The following CECR2 variants were observed in gnomAD, a reference collection of about 807,000 sequenced individuals.
CECR2 encodes the protein chromatin remodeling regulator CECR2.
A neutral mutation model predicts 154.5 loss-of-function variants in CECR2; 30 were observed. The observed-to-expected ratio is 0.19, with a 90% CI of 0.15 to 0.26. The LOEUF (loss-of-function observed/expected upper bound fraction) is 0.26, where lower values mean the gene tolerates loss of function less well. CECR2 is among the 10% of genes least tolerant of loss of function. The pLI is 1.00. For synonymous variants in CECR2, 725 were observed against 683.7 expected (o/e 1.06, Z -0.94); for missense variants, 1,743 against 1,829.3 (o/e 0.95, Z 0.86).
intron 5 of CECR2, among the ~76,000 whole-genome samples, chr22:17,501,147 C>T (rs2055730587): frequency 6.6e-6 from 1 of 152,150 alleles, no homozygotes; most frequent in Admixed American, 6.5e-5. Flanking sequence ...TGTGTAAATA[C>T]ACTTTTTACT....
intron 1 of CECR2, among the ~76,000 whole-genome samples, chr22:17,411,397 C>G (rs2054066346): frequency 6.6e-6 from 1 of 152,220 alleles, no homozygotes; most frequent in Admixed American, 6.5e-5. Context: ...ACGAGTCCAT[C>G]AGTTCCTGCT....
chr22:17,426,418 G>A (rs570847920), intron 1 of CECR2, among the ~76,000 whole-genome samples: 26 of 151,946 alleles, frequency 1.7e-4, no homozygotes, highest in Admixed American at 5.9e-4. Flanking sequence ...GTGCAGTGGC[G>A]CGATTTCAGC....
rs535935243 is a variant in CECR2 at position 17,526,258 on chromosome 22, A to C, written c.1108+1987A>C. Reference sequence around the variant, plus strand: ...ATTACCTGACTTCAAATTGTATTTCAGACCTGTGGGGACCAAAACAATATG... The same window carrying C: ...ATTACCTGACTTCAAATTGTATTTCCGACCTGTGGGGACCAAAACAATATG... On this transcript the variant is annotated intron_variant, in intron 9 of 18. Transcript: ENST00000262608. Among the ~76,000 whole-genome samples, 10 of 152,344 alleles carry C rather than the reference A, an allele frequency of 6.6e-5. No individual in the cohort carries two copies. In the East Asian group the frequency reaches 1.9e-3, roughly 29 times the overall value.
In CECR2 at chr22:17,552,126, C is replaced by T. The variant is rs1199876485; in HGVS notation, c.4373C>T (p.Thr1458Ile). The change falls in exon 18 of 19, where the codon ACA becomes ATA. Residue 1458 changes from threonine to isoleucine, a missense_variant. Physicochemically the swap from Thr to Ile is moderately conservative, Grantham distance 89. Coordinates refer to ENST00000262608, the MANE Select transcript of CECR2 (RefSeq NM_001290047.2). ...QEEVPPHKPP[T>I]LPLDQS The stretch of plus-strand genomic sequence containing the variant: ...GAGGTGCCGCCTCATAAGCCTCCAA[C>T]ACTTCCCCTGGATCAGGTAAGGATC... 1 of 1,613,826 alleles carries T rather than the reference C, an allele frequency of 6.2e-7. No homozygotes were observed. Among genetic ancestry groups the T allele is most frequent in the Non-Finnish European group, 8.5e-7 (1 of 1,179,850 alleles).
At chr22:17,495,735 G>A (rs956968362) in intron 2 of CECR2, among the ~76,000 whole-genome samples, 7 of 151,082 alleles carry the variant, frequency 4.6e-5, no homozygotes, top group South Asian at 2.1e-4. Context: ...GGTGGCAGGC[G>A]CCTGTAGTCC....
chr22:17,475,126 C>T (rs1327611642), intron 1 of CECR2, among the ~76,000 whole-genome samples: 3 of 152,072 alleles, frequency 2.0e-5, no homozygotes, highest in South Asian at 2.1e-4. Context: ...GTGGGAGCAG[C>T]GTGGGGGAGC....
intron 13 of CECR2, 96 bp from the exon 14 acceptor site, chr22:17,540,316 C>T: frequency 2.6e-6 from 3 of 1,132,506 alleles, no homozygotes; most frequent in South Asian, 4.9e-5. Context: ...TCTTTTGTGA[C>T]CTATAGTTCT....
chr22:17,522,524 C>G (rs1196429318), intron 8 of CECR2, among the ~76,000 whole-genome samples: 1 of 152,204 alleles, frequency 6.6e-6, no homozygotes, highest in East Asian at 1.9e-4. Flanking sequence ...CTGGCCTGCT[C>G]TGGCTATAGG....
At chr22:17,416,332 A>C (rs2054156168) in intron 1 of CECR2, among the ~76,000 whole-genome samples, 1 of 151,844 alleles carries the variant, frequency 6.6e-6, no homozygotes, top group African/African-American at 2.4e-5. Context: ...ATATATGTTT[A>C]GTTTTTTTCT....
At chr22:17,522,389 T>G (rs946055116) in intron 8 of CECR2, among the ~76,000 whole-genome samples, 1 of 152,186 alleles carries the variant, frequency 6.6e-6, no homozygotes, top group Non-Finnish European at 1.5e-5. Flanking sequence ...TGGCAAAATT[T>G]AGGGAAGGTG....
chr22:17,386,719 C>T (rs1323331715), intron 1 of CECR2, among the ~76,000 whole-genome samples: 1 of 150,812 alleles, frequency 6.6e-6, no homozygotes. Context: ...GGCGGGATCT[C>T]AGCTCACTGC....
At chr22:17,486,771 A>G (rs574745281) in intron 2 of CECR2, among the ~76,000 whole-genome samples, 3 of 152,348 alleles carry the variant, frequency 2.0e-5, no homozygotes, top group African/African-American at 4.8e-5. Context: ...GCTTATCGCA[A>G]TTCAGGAAAG....
At chr22:17,420,910 C>G (rs960761759) in intron 1 of CECR2, among the ~76,000 whole-genome samples, 1 of 152,200 alleles carries the variant, frequency 6.6e-6, no homozygotes, top group East Asian at 1.9e-4. Flanking sequence ...CACCCCTGTC[C>G]CTCACCCACA....
intron 1 of CECR2, among the ~76,000 whole-genome samples, chr22:17,475,154 G>A (rs1480176546): frequency 6.6e-6 from 1 of 152,136 alleles, no homozygotes; most frequent in East Asian, 1.9e-4. Flanking sequence ...GGAAGACTTT[G>A]CAGATAAAGT....
chr22:17,401,595 G>A (rs547682553), intron 1 of CECR2, among the ~76,000 whole-genome samples: 18 of 151,932 alleles, frequency 1.2e-4, no homozygotes, highest in Admixed American at 6.6e-4. Context: ...GTTCCTGTTC[G>A]TTCTACTCAG....
In CECR2 at chr22:17,504,902, A is replaced by C; in HGVS notation, c.756A>C (p.Glu252Asp). 6.2e-7 allele frequency: 1 copy of C among 1,613,792 alleles called. No homozygotes were observed. Among genetic ancestry groups the C allele is most frequent in the Non-Finnish European group, 8.5e-7 (1 of 1,179,824 alleles). ...TWWLLCQTEE[E>D]WRQVTESFRE... ...GGCTCCTGTGCCAGACAGAAGAGGA[A>C]TGGAGACAGGTCACCGAGAGTTTTC... is the stretch of plus-strand genomic sequence containing the variant. Residue 252 changes from glutamate to aspartate, a missense_variant, in exon 7 of 19, where the codon GAA becomes GAC. Coordinates refer to ENST00000262608, the MANE Select transcript of CECR2 (RefSeq NM_001290047.2).
At chr22:17,469,503 G>C (rs2055086484) in intron 1 of CECR2, among the ~76,000 whole-genome samples, 1 of 152,162 alleles carries the variant, frequency 6.6e-6, no homozygotes, top group African/African-American at 2.4e-5. Flanking sequence ...CTCTCCCCAA[G>C]CAGGGGGGAT....
At chr22:17,504,550 C>T (rs2055800450) in intron 6 of CECR2, among the ~76,000 whole-genome samples, 1 of 151,878 alleles carries the variant, frequency 6.6e-6, no homozygotes, top group Non-Finnish European at 1.5e-5. Flanking sequence ...CATTCTCCTG[C>T]CTCAGCCTCC....
intron 16 of CECR2, among the ~76,000 whole-genome samples, chr22:17,545,369 C>T (rs139574669): frequency 0.087 from 6,532 of 74,868 alleles, 227 homozygotes; most frequent in African/African-American, 0.18. Flanking sequence ...AGCGAGACTC[C>T]GTCTCAAAAA....
Sources: gnomAD v4.1 joint callset for allele counts (sites outside exome capture counted in the v4.1 genomes callset) on GRCh38, gnomAD v4.1.1 for gene constraint, MANE v1.5 for transcripts, NCBI Gene and HGNC (gene_info 2026-07-23, HGNC 2026-07-21) for gene names.